The following APBB1IP variants were observed in gnomAD, a reference collection of about 807,000 sequenced individuals.
The protein encoded by APBB1IP is amyloid beta precursor protein binding family B member 1 interacting protein.
Under a neutral mutation model 64.9 loss-of-function variants are expected in APBB1IP, and 27 were observed. The ratio of observed to expected loss-of-function variants is 0.42; its 90% CI spans 0.31 to 0.57. The LOEUF (loss-of-function observed/expected upper bound fraction) is 0.57, where lower values mean the gene tolerates loss of function less well. APBB1IP is among the 20% of genes least tolerant of loss of function. APBB1IP has a pLI of 0.20. For synonymous variants in APBB1IP, 392 were observed against 331.0 expected (o/e 1.18, Z -2.00); for missense variants, 812 against 845.5 (o/e 0.96, Z 0.49).
chr10:26,447,374 CAAAAA>C (rs55948326), intron 2 of APBB1IP, among the ~76,000 whole-genome samples: 15 of 55,022 alleles, frequency 2.7e-4, no homozygotes, highest in Non-Finnish European at 3.4e-4. Context: ...GACTCCGTCT[CAAAAA>C]AAAAAAAAAA....
At chr10:26,485,237 C>G (rs187647697) in intron 2 of APBB1IP, among the ~76,000 whole-genome samples, 1 of 152,192 alleles carries the variant, frequency 6.6e-6, no homozygotes, top group African/African-American at 2.4e-5. Flanking sequence ...AGCTTAGAAA[C>G]AGACTGTTTA....
chr10:26,473,277 T>A lies in APBB1IP; in HGVS notation c.1-19050T>A, dbSNP rs1564354546. 2.0e-5 allele frequency among the ~76,000 whole-genome samples: 3 copies of A among 152,248 alleles called. No individual in the cohort carries two copies. The South Asian group carries it at 6.2e-4, about 31-fold the overall frequency. On this transcript the variant is annotated intron_variant, in intron 2 of 14. Transcript: ENST00000376236. ...TTGAATTCCAACAGGAAGCATTTGC[T>A]AGGTAGGCATTTGGTACCTAATGGA...
chr10:26,509,306 G>T (rs787030), intron 6 of APBB1IP, among the ~76,000 whole-genome samples: 22,197 of 152,094 alleles, frequency 0.15, 1,731 homozygotes, highest in African/African-American at 0.21. Context: ...AAAAAAAAGT[G>T]TTCTTTAGGA....
In APBB1IP at chr10:26,541,595, T is replaced by C; in HGVS notation, c.1058T>C (p.Leu353Pro). 1 of 1,609,802 alleles carries C rather than the reference T, an allele frequency of 6.2e-7. No individual in the cohort carries two copies. The change falls in exon 11 of 15, where the codon CTG becomes CCG. Residue 353 changes from leucine (L) to proline (P), a missense_variant. Leu to Pro is a moderately conservative substitution (Grantham distance 98). Coordinates refer to ENST00000376236, the MANE Select transcript of APBB1IP (RefSeq NM_019043.4). ...PKGKTKTSRDLACFIQFENVN... is the reference protein window; with the variant it reads ...PKGKTKTSRDPACFIQFENVN... ...CCTGTCTTTCAGACATCTCGAGATC[T>C]GGCGTGTTTTATACAGTTTGAAAAT...
intron 8 of APBB1IP, among the ~76,000 whole-genome samples, chr10:26,518,758 C>T (rs1836364365): frequency 6.6e-6 from 1 of 152,214 alleles, no homozygotes; most frequent in Non-Finnish European, 1.5e-5. Context: ...GATTCCCAGT[C>T]TCTCACCCTA....
intron 11 of APBB1IP, among the ~76,000 whole-genome samples, chr10:26,551,927 G>A (rs1026180117): frequency 6.7e-6 from 1 of 149,972 alleles, no homozygotes; most frequent in Non-Finnish European, 1.5e-5. Context: ...AGATGGGTGG[G>A]TGGATGGATG....
intron 5 of APBB1IP, 87 bp downstream of exon 5, chr10:26,501,198 G>A (rs749155011): frequency 2.6e-6 from 4 of 1,565,770 alleles, no homozygotes; most frequent in Non-Finnish European, 3.5e-6. Context: ...ACATTCCTAA[G>A]TTGGTACATC....
chr10:26,558,735 C>A (rs1836926563), intron 11 of APBB1IP, among the ~76,000 whole-genome samples: 1 of 152,032 alleles, frequency 6.6e-6, no homozygotes, highest in African/African-American at 2.4e-5. Flanking sequence ...CGTGATGGCA[C>A]AACTGCACTC....
chr10:26,476,288 A>AT (rs978588882), intron 2 of APBB1IP, among the ~76,000 whole-genome samples: 3 of 151,542 alleles, frequency 2.0e-5, no homozygotes, highest in African/African-American at 7.3e-5. Context: ...CAAACTAAAA[A>AT]TTTTTTTAAC....
intron 2 of APBB1IP, among the ~76,000 whole-genome samples, chr10:26,447,314 G>T (rs1287131038): frequency 7.0e-6 from 1 of 143,858 alleles, no homozygotes; most frequent in Non-Finnish European, 1.5e-5. Context: ...AGCGGAGTTT[G>T]CAGTGAGCCG....
chr10:26,526,591 T>C (rs1836477660), intron 8 of APBB1IP, among the ~76,000 whole-genome samples: 1 of 151,958 alleles, frequency 6.6e-6, no homozygotes, highest in African/African-American at 2.4e-5. Context: ...TGGCGGCGTG[T>C]GCCTGTAGTC....
chr10:26,474,769 T>C (rs903089595), intron 2 of APBB1IP, among the ~76,000 whole-genome samples: 2 of 152,254 alleles, frequency 1.3e-5, no homozygotes, highest in Admixed American at 1.3e-4. Flanking sequence ...GAGAAAAGAT[T>C]AATTTTTCTA....
At chr10:26,469,336 T>A (rs1163574111) in intron 2 of APBB1IP, among the ~76,000 whole-genome samples, 1 of 144,804 alleles carries the variant, frequency 6.9e-6, no homozygotes, top group African/African-American at 2.6e-5. Context: ...CTCAGCTCAC[T>A]GCAACCTCTG....
chr10:26,557,703 G>C (rs139448281), intron 11 of APBB1IP, among the ~76,000 whole-genome samples: 2 of 152,120 alleles, frequency 1.3e-5, no homozygotes, highest in Non-Finnish European at 2.9e-5. Flanking sequence ...CTAAACTCTC[G>C]TCAAGCTCTT....
At chr10:26,535,296 A>G (rs1407721334) in intron 9 of APBB1IP, among the ~76,000 whole-genome samples, 2 of 151,950 alleles carry the variant, frequency 1.3e-5, no homozygotes, top group African/African-American at 4.8e-5. Context: ...ATATTAACTT[A>G]TTTATTTTTA....
At chr10:26,514,722 T>A (rs1471685008) in intron 8 of APBB1IP, among the ~76,000 whole-genome samples, 1 of 152,074 alleles carries the variant, frequency 6.6e-6, no homozygotes. Context: ...TTAGGGCAGC[T>A]TCCTTGCGGG....
intron 9 of APBB1IP, among the ~76,000 whole-genome samples, chr10:26,534,294 CAAAAAAAAA>C (rs71403804): frequency 3.4e-5 from 2 of 58,680 alleles, no homozygotes; most frequent in African/African-American, 6.8e-5. Flanking sequence ...GATCCAGTCT[CAAAAAAAAA>C]AAAAAAAAAA....
chr10:26,461,000 A>G (rs1194713173), intron 2 of APBB1IP, among the ~76,000 whole-genome samples: 1 of 152,132 alleles, frequency 6.6e-6, no homozygotes, highest in African/African-American at 2.4e-5. Context: ...TGCTTGACTA[A>G]TCACAGGTAG....
At chr10:26,450,886 AG>A (rs1443302746) in intron 2 of APBB1IP, among the ~76,000 whole-genome samples, 1 of 151,972 alleles carries the variant, frequency 6.6e-6, no homozygotes, top group Admixed American at 6.6e-5. Context: ...AGTAGAGACA[AG>A]GTATCACTAT....
Sources: allele counts gnomAD v4.1 joint callset (sites outside exome capture counted in the v4.1 genomes callset), GRCh38; gene constraint gnomAD v4.1.1; transcripts MANE v1.5; gene names NCBI Gene and HGNC (gene_info 2026-07-23, HGNC 2026-07-21).